Variants in SUMF2 observed in about 807,000 individuals in gnomAD.
SUMF2 encodes inactive C-alpha-formylglycine-generating enzyme 2.
A neutral mutation model predicts 44.8 loss-of-function variants in SUMF2; 45 were observed. That is an observed-to-expected ratio of 1.00 (90% CI 0.79 to 1.29). The LOEUF is 1.29. SUMF2 is among the 50% of genes most tolerant of loss of function. The pLI is 0.00. For missense variants in SUMF2, 418 were observed against 389.9 expected, an observed-to-expected ratio of 1.07 and a Z score of -0.61; for synonymous variants, 148 against 150.4, an observed-to-expected ratio of 0.98 and a Z score of 0.12.
chr7:56,079,798 T>G lies in SUMF2; in HGVS notation c.*186T>G, dbSNP rs1233436295. 4 of 1,553,384 alleles carry G rather than the reference T, an allele frequency of 2.6e-6. No individual in the cohort carries two copies. The highest frequency in any genetic ancestry group is 3.5e-6 in the Non-Finnish European group (4 of 1,147,628). ...AGGAGAGGACTCAGCCTCCTGTGTT[T>G]TGGAGAAGGGGCCCAATGTGTGTTG... is the stretch of plus-strand genomic sequence containing the variant. On this transcript the variant is annotated 3_prime_UTR_variant, in exon 9 of 9. Coordinates refer to ENST00000434526, the MANE Select transcript of SUMF2 (RefSeq NM_015411.4).
chr7:56,068,257 C>T (rs1449127301), intron 1 of SUMF2, among the ~76,000 whole-genome samples: 1 of 151,828 alleles, frequency 6.6e-6, no homozygotes, highest in African/African-American at 2.4e-5. Context: ...CCAGGATGGT[C>T]TTGATCTGAC....
At chr7:56,067,095 A>G (rs1794857916) in intron 1 of SUMF2, among the ~76,000 whole-genome samples, 1 of 152,192 alleles carries the variant, frequency 6.6e-6, no homozygotes, top group Non-Finnish European at 1.5e-5. Flanking sequence ...AACTGATAAG[A>G]GTTCAGTAAG....
chr7:56,081,155 A>T, downstream of SUMF2: 1 of 1,613,806 alleles, frequency 6.2e-7, no homozygotes, highest in Non-Finnish European at 8.5e-7. The surrounding 1 kb of genome is among the most constrained non-coding windows in gnomAD (Gnocchi z 4.6). Flanking sequence ...CAGTGGCCAT[A>T]GATTCGGAAA....
chr7:56,073,142 A>T, intron 3 of SUMF2, 31 bp downstream of exon 3: 1 of 1,554,120 alleles, frequency 6.4e-7, no homozygotes, highest in Non-Finnish European at 8.9e-7. Context: ...AGCTGAGGGG[A>T]TAGGAGTGGG....
chr7:56,080,460 C>T lies in SUMF2; in HGVS notation c.*848C>T, dbSNP rs1362716780. ...TTGAATTTTTGTAGTGATGGGATCT[C>T]GCTCTGTTGCCCAGGGTGGTCTCGA... On this transcript the variant is annotated 3_prime_UTR_variant, in exon 9 of 9. Transcript: ENST00000434526. 1 of 160,574 alleles carries T rather than the reference C, an allele frequency of 6.2e-6. No homozygotes were observed. Among genetic ancestry groups the T allele is most frequent in the African/African-American group, 2.4e-5 (1 of 41,320 alleles). 9.9% of individuals were successfully genotyped at this position (160,574 alleles called of 1,614,324 possible).
chr7:56,073,917 A>T (rs766893056), intron 3 of SUMF2: 20 of 537,860 alleles, frequency 3.7e-5, no homozygotes, highest in Non-Finnish European at 5.9e-5. Flanking sequence ...CAGGAGGTTG[A>T]GGTGGGAGGA....
At chr7:56,086,616 G>A in the SUMF2 span, among the ~76,000 whole-genome samples, 9 of 152,234 alleles carry the variant, frequency 5.9e-5, 1 homozygote, top group East Asian at 1.9e-4. Context: ...AGCCTCCCGC[G>A]TAGCTGGGGC....
At chr7:56,087,163 G>A in the SUMF2 span, 261 of 679,940 alleles carry the variant, frequency 3.8e-4, 3 homozygotes, top group South Asian at 4.1e-3. Context: ...GCTCAAAGAC[G>A]TCAACCTGGG....
At chr7:56,085,600 A>G (rs1244724205), downstream of SUMF2, among the ~76,000 whole-genome samples, 2 of 152,114 alleles carry the variant, frequency 1.3e-5, no homozygotes, top group East Asian at 1.9e-4. Context: ...TCTCTCCTCA[A>G]TACTGCTGGC....
chr7:56,081,604 C>A, downstream of SUMF2: 1 of 1,610,020 alleles, frequency 6.2e-7, no homozygotes, highest in Non-Finnish European at 8.5e-7. The surrounding 1 kb of genome is among the most constrained non-coding windows in gnomAD (Gnocchi z 4.6). Context: ...AGGGAGCTGG[C>A]GGGCCTGGAT....
At chr7:56,065,706 G>A (rs1261073522) in intron 1 of SUMF2, among the ~76,000 whole-genome samples, 2 of 151,764 alleles carry the variant, frequency 1.3e-5, no homozygotes, top group African/African-American at 2.4e-5. Flanking sequence ...CCCTGCCTCA[G>A]TTTCCCAAAG....
At chr7:56,086,641 C>T in the SUMF2 span, among the ~76,000 whole-genome samples, 196 of 150,936 alleles carry the variant, frequency 1.3e-3, 1 homozygote, top group African/African-American at 4.7e-3. Context: ...GCCTCCCAAA[C>T]TGCTGGGATT....
chr7:56,068,741 A>T, intron 2 of SUMF2, 103 bp downstream of exon 2: 11 of 1,372,290 alleles, frequency 8.0e-6, no homozygotes, highest in Non-Finnish European at 2.9e-6. Flanking sequence ...TCCCTCTGTC[A>T]CCCAGGTGCT....
At chr7:56,078,577 G>A in intron 8 of SUMF2, 69 bp downstream of exon 8, 1 of 1,468,602 alleles carries the variant, frequency 6.8e-7, no homozygotes, top group Non-Finnish European at 9.0e-7. Context: ...CCCGGTCCCA[G>A]AGTGTCCCTA....
At chr7:56,066,115 A>G (rs1794777887) in intron 1 of SUMF2, among the ~76,000 whole-genome samples, 1 of 151,698 alleles carries the variant, frequency 6.6e-6, no homozygotes. Context: ...ATCAAAAACA[A>G]AACAAAACAA....
intron 8 of SUMF2, chr7:56,078,786 C>G (rs1183316756): frequency 4.5e-6 from 2 of 441,840 alleles, no homozygotes; most frequent in African/African-American, 4.0e-5. Context: ...GGGGTTTCTC[C>G]TCTTGTCCTT....
At chr7:56,076,058 G>A (rs1272949453) in intron 5 of SUMF2, among the ~76,000 whole-genome samples, 1 of 129,300 alleles carries the variant, frequency 7.7e-6, no homozygotes, top group Non-Finnish European at 1.6e-5. Context: ...ACAGAGTGTC[G>A]CTGTGTCGCC....
chr7:56,084,230 T>C, downstream of SUMF2: 1 of 1,529,452 alleles, frequency 6.5e-7, no homozygotes, highest in Non-Finnish European at 8.8e-7. Context: ...CTCCATTGTA[T>C]CAGTGTCTTC....
At chr7:56,087,720 G>A in the SUMF2 span, 1 of 1,613,790 alleles carries the variant, frequency 6.2e-7, no homozygotes, top group Non-Finnish European at 8.5e-7. Flanking sequence ...GACCTTCACG[G>A]CGTACTCCTG....
Sources: gnomAD v4.1 joint callset for allele counts (sites outside exome capture counted in the v4.1 genomes callset) on GRCh38, gnomAD v4.1.1 for gene constraint, Gnocchi (gnomAD v3.1) non-coding constraint, MANE v1.5 for transcripts, NCBI Gene and HGNC (gene_info 2026-07-23, HGNC 2026-07-21) for gene names.